Variants in SLC35F4 observed in about 807,000 individuals in gnomAD.
The protein encoded by SLC35F4 is chromosome 14 open reading frame 36.
In SLC35F4, 24 loss-of-function variants were observed where a neutral mutation model predicts 44.2. The observed-to-expected ratio is 0.54, with a 90% CI of 0.39 to 0.76. SLC35F4 has a LOEUF of 0.76. Among genes scored for constraint, SLC35F4 ranks in the 30% least tolerant of loss-of-function variants. The pLI is 0.00. For synonymous variants in SLC35F4, 238 were observed against 223.6 expected (o/e 1.06, Z -0.57); for missense variants, 562 against 586.1 (o/e 0.96, Z 0.42).
intron 1 of SLC35F4, among the ~76,000 whole-genome samples, chr14:57,933,220 A>G (rs1889732981): frequency 6.6e-6 from 1 of 151,488 alleles, no homozygotes; most frequent in African/African-American, 2.4e-5. Context: ...ATGGGGTTTC[A>G]CCATATTGAC....
rs72624726 is a variant in SLC35F4 at position 57,843,271 on chromosome 14, A to G, written c.103+22452T>C. Among the ~76,000 whole-genome samples, 2,374 of 152,210 alleles carry G rather than the reference A, an allele frequency of 0.016. 335 individuals carry two copies. In the East Asian group the frequency reaches 0.35, roughly 23 times the overall value. ...GTCCCTCTAAAGAACCCTGACTGAT[A>G]CACTGTCCTTCCTCTAATTGCCCTG... is the stretch of plus-strand genomic sequence containing the variant. On this transcript the variant is annotated intron_variant, in intron 1 of 7. Transcript: ENST00000556826.
chr14:57,735,321 T>G (rs945105373), intron 1 of SLC35F4, among the ~76,000 whole-genome samples: 3 of 152,274 alleles, frequency 2.0e-5, no homozygotes, highest in African/African-American at 7.2e-5. Flanking sequence ...GCATAACAAG[T>G]CAGCCCTAAT....
chr14:57,629,213 G>A (rs779269970), intron 1 of SLC35F4, among the ~76,000 whole-genome samples: 4 of 152,090 alleles, frequency 2.6e-5, no homozygotes, highest in Non-Finnish European at 5.9e-5. Flanking sequence ...TTCTGAAAAT[G>A]TTACTGAAAG....
intron 1 of SLC35F4, among the ~76,000 whole-genome samples, chr14:57,783,655 T>C (rs1463189391): frequency 6.6e-6 from 1 of 152,212 alleles, no homozygotes; most frequent in African/African-American, 2.4e-5. Flanking sequence ...CATTGATGCT[T>C]TGTCTCTGAA....
chr14:57,673,360 C>T (rs924571843), intron 1 of SLC35F4, among the ~76,000 whole-genome samples: 1 of 152,094 alleles, frequency 6.6e-6, no homozygotes, highest in Admixed American at 6.6e-5. Flanking sequence ...ATGTTTGATT[C>T]CCAACTCCAG....
intron 1 of SLC35F4, among the ~76,000 whole-genome samples, chr14:57,818,283 A>G (rs776957537): frequency 4.6e-5 from 7 of 152,092 alleles, no homozygotes; most frequent in Non-Finnish European, 1.0e-4. Flanking sequence ...TCAGTAACCC[A>G]CTTGCTGAAT....
chr14:57,876,435 ATG>A (rs1655824977), intron 1 of SLC35F4, among the ~76,000 whole-genome samples: 1 of 152,206 alleles, frequency 6.6e-6, no homozygotes, highest in East Asian at 1.9e-4. Flanking sequence ...GCTGAAAAAA[ATG>A]AGAGCGCGAG....
At chr14:57,638,040 C>A (rs79709742) in intron 1 of SLC35F4, among the ~76,000 whole-genome samples, 4,746 of 152,166 alleles carry the variant, frequency 0.031, 276 homozygotes, top group African/African-American at 0.11. Flanking sequence ...AGGAGTTAAG[C>A]CACCCTCCTC....
At chr14:57,581,157 A>C in intron 4 of SLC35F4, 57 bp downstream of exon 4, 1 of 1,446,388 alleles carries the variant, frequency 6.9e-7, no homozygotes, top group South Asian at 1.6e-5. Context: ...GGCTCTCCTG[A>C]AGCCAAGGAG....
intron 1 of SLC35F4, among the ~76,000 whole-genome samples, chr14:57,667,206 A>AGGGG (rs1443567691): frequency 7.3e-6 from 1 of 136,752 alleles, no homozygotes; most frequent in African/African-American, 2.7e-5. Context: ...GAGGGAGGGA[A>AGGGG]GGGGAGGGAG....
intron 1 of SLC35F4, among the ~76,000 whole-genome samples, chr14:57,643,961 G>A (rs1384023341): frequency 6.6e-6 from 1 of 152,126 alleles, no homozygotes; most frequent in African/African-American, 2.4e-5. Context: ...CCTTGTTTAT[G>A]GCTGCATAGT....
chr14:57,962,977 AG>A (rs1890366021), intron 1 of SLC35F4, among the ~76,000 whole-genome samples: 1 of 152,158 alleles, frequency 6.6e-6, no homozygotes, highest in Admixed American at 6.5e-5. Context: ...GGGGGAAAAA[AG>A]AAAAAAAATA....
chr14:57,700,080 A>G (rs1171963096), intron 1 of SLC35F4, among the ~76,000 whole-genome samples: 1 of 152,184 alleles, frequency 6.6e-6, no homozygotes, highest in Admixed American at 6.5e-5. Context: ...TGATGAGGAT[A>G]CTTTCTAAGA....
At chr14:57,793,923 C>T (rs2077990285) in intron 1 of SLC35F4, among the ~76,000 whole-genome samples, 1 of 152,118 alleles carries the variant, frequency 6.6e-6, no homozygotes, top group Non-Finnish European at 1.5e-5. Flanking sequence ...TTACAACTAA[C>T]TGATCTTCGA....
chr14:57,893,076 G>A (rs1224853944), intron 1 of SLC35F4, among the ~76,000 whole-genome samples: 1 of 152,004 alleles, frequency 6.6e-6, no homozygotes, highest in Non-Finnish European at 1.5e-5. Context: ...TTTTTTATCA[G>A]TTGGGAATCC....
intron 1 of SLC35F4, among the ~76,000 whole-genome samples, chr14:57,914,014 A>G (rs1889267423): frequency 6.6e-6 from 1 of 152,216 alleles, no homozygotes; most frequent in Admixed American, 6.5e-5. Flanking sequence ...TCTTCTTGCA[A>G]GTATGGCTCC....
intron 1 of SLC35F4, among the ~76,000 whole-genome samples, chr14:57,902,328 C>T (rs889629086): frequency 2.0e-5 from 3 of 152,068 alleles, no homozygotes; most frequent in African/African-American, 7.2e-5. Context: ...CTTTGGGAGG[C>T]CGAGGTGAGC....
intron 1 of SLC35F4, among the ~76,000 whole-genome samples, chr14:57,827,036 A>G (rs186820173): frequency 1.2e-3 from 190 of 152,244 alleles, no homozygotes; most frequent in African/African-American, 4.5e-3. Flanking sequence ...AGAAATCATT[A>G]TATTATAAAG....
intron 1 of SLC35F4, among the ~76,000 whole-genome samples, chr14:57,605,986 G>A (rs561652097): frequency 4.2e-4 from 64 of 152,260 alleles, no homozygotes; most frequent in South Asian, 1.5e-3. Context: ...AGGGTGATAA[G>A]GTTGAAAAAA....
Sources: gnomAD v4.1 joint callset for allele counts (sites outside exome capture counted in the v4.1 genomes callset) on GRCh38, gnomAD v4.1.1 for gene constraint, MANE v1.5 for transcripts, NCBI Gene and HGNC (gene_info 2026-07-23, HGNC 2026-07-21) for gene names.